Variants in GRK2 observed in about 807,000 individuals in gnomAD.
GRK2 encodes adrenergic beta receptor kinase 1.
In GRK2, 23 loss-of-function variants were observed where a neutral mutation model predicts 97.8. The observed-to-expected ratio is 0.24, with a 90% CI of 0.17 to 0.33. The LOEUF (loss-of-function observed/expected upper bound fraction) is 0.33. Ranked by LOEUF, GRK2 falls within the 10% of genes least tolerant of loss-of-function variation. The pLI is 1.00. For synonymous variants in GRK2, 425 were observed against 381.7 expected, an observed-to-expected ratio of 1.11 and a Z score of -1.32; for missense variants, 633 against 956.9, an observed-to-expected ratio of 0.66 and a Z score of 4.47.
chr11:67,281,680 G>C lies in GRK2; in HGVS notation c.778G>C (p.Ala260Pro). The change falls in exon 10 of 21, where the codon GCG becomes CCG. Residue 260 changes from alanine to proline, a missense_variant. This residue lies in a region of GRK2 where 192 missense variants were observed against 362.3 expected (regional missense o/e 0.53). Coordinates refer to ENST00000308595, the MANE Select transcript of GRK2 (RefSeq NM_001619.5). The surrounding 1 kb of genome is among the most constrained non-coding windows in gnomAD (Gnocchi z 5.7). ...CCCATTCATTGTCTGCATGTCATAC[G>C]CGTTCCACACGCCAGACAAGCTCAG... ...DCPFIVCMSY[A>P]FHTPDKLSFI... 1 of 1,594,466 alleles carries C rather than the reference G, an allele frequency of 6.3e-7. No individual in the cohort carries two copies. Among genetic ancestry groups the C allele is most frequent in the Non-Finnish European group, 8.5e-7 (1 of 1,171,584 alleles).
rs1054020323 is a variant in GRK2, at chr11:67,269,978, C to T, written c.113+3166C>T. ...CCGACCTTCTTGTAGAAGGAGGTAG[C>T]GTAAGGCAGCATTGTGTATCTGGAA... On this transcript the variant is annotated intron_variant, in intron 1 of 20. Transcript: ENST00000308595. The surrounding 1 kb of genome is among the most constrained non-coding windows in gnomAD (Gnocchi z 4.1). Among the ~76,000 whole-genome samples, 5 of 152,200 alleles carry T rather than the reference C, an allele frequency of 3.3e-5. No individual in the cohort carries two copies. The highest frequency in any genetic ancestry group is 9.6e-5 in the African/African-American group (4 of 41,452).
At chr11:67,283,626 G>A in intron 15 of GRK2, 81 bp from the exon 16 acceptor site, 2 of 1,427,824 alleles carry the variant, frequency 1.4e-6, no homozygotes, top group African/African-American at 1.4e-5. Context: ...CAAGTTCACA[G>A]AGCCAGAAAG....
chr11:67,284,832 T>C lies in GRK2; in HGVS notation c.1655-15T>C, dbSNP rs1234000983. 1.9e-6 allele frequency: 3 copies of C among 1,610,940 alleles called. No homozygotes were observed. The African/African-American group carries it at 4.0e-5, about 22-fold the overall frequency. On this transcript the variant is annotated splice_polypyrimidine_tract_variant and intron_variant, in intron 18 of 20. Coordinates refer to ENST00000308595, the MANE Select transcript of GRK2 (RefSeq NM_001619.5). ...CAGGTGGGGCCGGCTGAGTCTCCTC[T>C]GTCTCTCGCCTCAGACTACGCCCTG...
Position 67,283,026 on chromosome 11 carries a change from C to G in GRK2, c.1228-102C>G. ...CTGGGCGAGCTAGGATGCTGTGCCC[C>G]ATCTGTCCCTCTGCGGGGGCCTGGA... On this transcript the variant is annotated intron_variant, in intron 14 of 20. Coordinates refer to ENST00000308595, the MANE Select transcript of GRK2 (RefSeq NM_001619.5). 2.4e-6 allele frequency: 3 copies of G among 1,274,970 alleles called. No individual in the cohort carries two copies. In the South Asian group the frequency reaches 3.6e-5, roughly 15 times the overall value. 79.0% of individuals were successfully genotyped at this position (1,274,970 alleles called of 1,614,324 possible).
At chr11:67,278,822 G>A (rs1352407575) in intron 2 of GRK2, among the ~76,000 whole-genome samples, 1 of 152,198 alleles carries the variant, frequency 6.6e-6, no homozygotes, top group Non-Finnish European at 1.5e-5. Context: ...CCCCGGTGGG[G>A]GGTATCGGCC....
intron 1 of GRK2, among the ~76,000 whole-genome samples, chr11:67,274,830 A>G (rs889672508): frequency 1.4e-4 from 21 of 152,244 alleles, no homozygotes; most frequent in Non-Finnish European, 2.4e-4. Flanking sequence ...GCTGGTGGAC[A>G]TGAGCTGGCG....
At position 67,286,171 on chromosome 11, in the gene GRK2, C is replaced by G. The variant is rs907562305; in HGVS notation, c.*721C>G. 3.8e-6 allele frequency: 2 copies of G among 528,702 alleles called. No individual in the cohort carries two copies. The highest frequency in any genetic ancestry group is 4.1e-5 in the African/African-American group (2 of 49,284). 32.8% of individuals were successfully genotyped at this position (528,702 alleles called of 1,614,324 possible). A position where few individuals can be genotyped will look rare whatever the true frequency, so the allele number is the denominator to read the frequency against. On this transcript the variant is annotated 3_prime_UTR_variant, in exon 21 of 21. Transcript: ENST00000308595. ...CCTGCAGGTTGGGCCATACTGGCCT[C>G]GCCTGGCCTGAGGTCTCGCTGATGC...
chr11:67,282,643 G>A lies in GRK2; in HGVS notation c.1160+101G>A. Reference sequence around the variant, plus strand: ...AGGAGGGGAGCCCATAGCTGCCTTGGTGGTAGGGTTGGCACCGTCCCTGAC... The same window carrying A: ...AGGAGGGGAGCCCATAGCTGCCTTGATGGTAGGGTTGGCACCGTCCCTGAC... On this transcript the variant is annotated intron_variant, in intron 13 of 20. Transcript: ENST00000308595. The surrounding 1 kb of genome is among the most constrained non-coding windows in gnomAD (Gnocchi z 6.9). The A allele has an allele frequency of 6.4e-7, 1 of 1,559,142 alleles. No homozygotes were observed. The highest frequency in any genetic ancestry group is 8.8e-7 in the Non-Finnish European group (1 of 1,138,142).
chr11:67,283,582 G>A, intron 15 of GRK2, 125 bp from the exon 16 acceptor site: 1 of 929,918 alleles, frequency 1.1e-6, no homozygotes, highest in Non-Finnish European at 1.7e-6. Context: ...CCATTTGAGA[G>A]ATGAGGAAAC....
intron 2 of GRK2, 41 bp from the exon 3 acceptor site, chr11:67,279,159 G>C (rs778478701): frequency 6.5e-7 from 1 of 1,533,134 alleles, no homozygotes; most frequent in South Asian, 1.1e-5. Flanking sequence ...GAAGGCCTCT[G>C]AGAGAGGCGT....
chr11:67,268,031 C>T (rs1859833919), intron 1 of GRK2, among the ~76,000 whole-genome samples: 1 of 152,250 alleles, frequency 6.6e-6, no homozygotes, highest in Non-Finnish European at 1.5e-5. Context: ...AGTTGGCCTC[C>T]TCCTGGTGCC....
At chr11:67,284,739 A>G (rs1233203684) in intron 18 of GRK2, 108 bp from the exon 19 acceptor site, 2 of 1,428,598 alleles carry the variant, frequency 1.4e-6, no homozygotes, top group Non-Finnish European at 1.9e-6. Context: ...CAGTGAGCCA[A>G]GATTGTGCCA....
chr11:67,271,504 GT>G (rs1387759995), intron 1 of GRK2, among the ~76,000 whole-genome samples: 5 of 152,248 alleles, frequency 3.3e-5, no homozygotes, highest in South Asian at 2.1e-4. Flanking sequence ...AATTCTGGAA[GT>G]TTGTTCTTGG....
rs1488457172 is a variant in GRK2 at position 67,286,476 on chromosome 11, G to A, written c.*1026G>A. Reference sequence around the variant, plus strand: ...CCCCTCCCGTCTACTCATTCCCCGGGGCGTTTCTTTGCCGATTTTTGAATG... The same window carrying A: ...CCCCTCCCGTCTACTCATTCCCCGGAGCGTTTCTTTGCCGATTTTTGAATG... On this transcript the variant is annotated 3_prime_UTR_variant, in exon 21 of 21. Transcript: ENST00000308595. 1.6e-5 allele frequency: 11 copies of A among 700,688 alleles called. No individual in the cohort carries two copies. The South Asian group carries it at 1.6e-4, about 10-fold the overall frequency. 43.4% of individuals were successfully genotyped at this position (700,688 alleles called of 1,614,324 possible).
chr11:67,279,367 TC>T lies in GRK2; in HGVS notation c.265-47del, dbSNP rs557994337. The T allele has an allele frequency of 1.6e-5, 25 of 1,608,576 alleles. 2 individuals carry two copies. The African/African-American group carries it at 2.9e-4, about 19-fold the overall frequency. ...ACCCACAAGCTGCCTGGTGTGGGCA[TC>T]CCCATTCCCTGCTGGGCTCTAGATG... On this transcript the variant is annotated intron_variant, in intron 3 of 20. Transcript: ENST00000308595.
At chr11:67,266,961 C>G (rs910141346) in intron 1 of GRK2, 149 bp downstream of exon 1, 3 of 306,976 alleles carry the variant, frequency 9.8e-6, no homozygotes, top group South Asian at 1.5e-4. Context: ...CGGAGCAGCC[C>G]GGCCTTGGCG....
chr11:67,282,089 C>A lies in GRK2; in HGVS notation c.957+137C>A. Reference sequence around the variant, plus strand: ...GTATCTTCCCATCTCCGCCCCTGCCCTTCCCACCGAGCCACTCTCTGGGTC... The same window carrying A: ...GTATCTTCCCATCTCCGCCCCTGCCATTCCCACCGAGCCACTCTCTGGGTC... On this transcript the variant is annotated intron_variant, in intron 11 of 20. Transcript: ENST00000308595. This position sits in a 1 kb window ranked among gnomAD's most constrained non-coding sequence, Gnocchi z 6.9. The A allele has an allele frequency of 3.1e-6, 4 of 1,298,584 alleles. No homozygotes were observed. The highest frequency in any genetic ancestry group is 2.4e-5 in the East Asian group (1 of 41,068). 80.4% of individuals were successfully genotyped at this position (1,298,584 alleles called of 1,614,324 possible).
chr11:67,281,935 G>C lies in GRK2; in HGVS notation c.940G>C (p.Val314Leu). 1 of 1,613,196 alleles carries C rather than the reference G, an allele frequency of 6.2e-7. No homozygotes were observed. Among genetic ancestry groups the C allele is most frequent in the South Asian group, 1.1e-5 (1 of 91,062 alleles). ...GLEHMHNRFV[V>L]YRDLKPANIL... Reference sequence around the variant, plus strand: ...GGAGCACATGCACAACCGCTTCGTGGTCTACCGGGACCTGAAGGTGAGCGC... The same window carrying C: ...GGAGCACATGCACAACCGCTTCGTGCTCTACCGGGACCTGAAGGTGAGCGC... The change falls in exon 11 of 21, where the codon GTC becomes CTC. Residue 314 changes from valine to leucine, a missense_variant. Physicochemically the swap from Val to Leu is conservative, Grantham distance 32. Coordinates refer to ENST00000308595, the MANE Select transcript of GRK2 (RefSeq NM_001619.5). The surrounding 1 kb of genome is among the most constrained non-coding windows in gnomAD (Gnocchi z 5.7).
In GRK2 at chr11:67,286,289, C is replaced by T. The variant is rs1860280537; in HGVS notation, c.*839C>T. ...GCTGGCTGGGGCCTATCAGTGTGCCCCCCATCCTGGCCCATCAGTGTACCC... is the reference window on the plus strand; with the variant it reads ...GCTGGCTGGGGCCTATCAGTGTGCCTCCCATCCTGGCCCATCAGTGTACCC... On this transcript the variant is annotated 3_prime_UTR_variant, in exon 21 of 21. Transcript: ENST00000308595. The T allele has an allele frequency of 1.6e-6, 1 of 640,460 alleles. No homozygotes were observed. The highest frequency in any genetic ancestry group is 2.8e-5 in the Admixed American group (1 of 36,166). The allele number at this position is 640,460 out of a possible 1,614,324, so 39.7% of individuals were successfully genotyped here.
Sources: allele counts gnomAD v4.1 joint callset (sites outside exome capture counted in the v4.1 genomes callset), GRCh38; gene constraint gnomAD v4.1.1; regional missense constraint gnomAD v4.1.1; non-coding constraint Gnocchi (gnomAD v3.1); transcripts MANE v1.5; gene names NCBI Gene and HGNC (gene_info 2026-07-23, HGNC 2026-07-21).